PSMB7: variants seen among roughly 807,000 people sequenced by gnomAD.
The protein encoded by PSMB7 is proteasome 20S subunit beta 7.
A neutral mutation model predicts 28.1 loss-of-function variants in PSMB7; 5 were observed. That is an observed-to-expected ratio of 0.18 (90% confidence interval 0.09 to 0.37). The LOEUF (loss-of-function observed/expected upper bound fraction) is 0.37. Ranked by LOEUF, PSMB7 falls within the 10% of genes least tolerant of loss-of-function variation. The probability of loss-of-function intolerance (pLI) is 1.00; values close to 1 mark genes in which losing one functional copy is unlikely to be tolerated. For synonymous variants in PSMB7, 122 were observed against 123.7 expected (o/e 0.99, Z 0.09); for missense variants, 275 against 346.2 (o/e 0.79, Z 1.63).
At chr9:124,377,752 C>T (rs781049496) in intron 6 of PSMB7, among the ~76,000 whole-genome samples, 17 of 152,338 alleles carry the variant, frequency 1.1e-4, no homozygotes, top group Middle Eastern at 3.4e-3. Context: ...ATAAATCAGA[C>T]GGCTGAAGTG....
chr9:124,409,333 AG>A (rs1431248139), intron 4 of PSMB7, among the ~76,000 whole-genome samples: 1 of 152,240 alleles, frequency 6.6e-6, no homozygotes, highest in Non-Finnish European at 1.5e-5. Context: ...TAAGAAAAAA[AG>A]TTACAATATA....
intron 6 of PSMB7, among the ~76,000 whole-genome samples, chr9:124,365,211 T>A (rs1422561331): frequency 6.6e-6 from 1 of 152,010 alleles, no homozygotes; most frequent in East Asian, 1.9e-4. Flanking sequence ...AGCCTGCCCA[T>A]GAGAATTGTG....
At chr9:124,354,543 G>A in intron 7 of PSMB7, among the ~76,000 whole-genome samples, 1 of 152,142 alleles carries the variant, frequency 6.6e-6, no homozygotes, top group East Asian at 1.9e-4. Context: ...CCTCTCCCCT[G>A]GACACACGGG....
chr9:124,364,020 TGA>T (rs1361626848), intron 6 of PSMB7, among the ~76,000 whole-genome samples: 1 of 151,996 alleles, frequency 6.6e-6, no homozygotes, highest in Non-Finnish European at 1.5e-5. Context: ...AGGAATAAAA[TGA>T]GAGAAATGAC....
chr9:124,412,133 TG>T (rs1237763763), intron 4 of PSMB7, among the ~76,000 whole-genome samples: 3 of 152,184 alleles, frequency 2.0e-5, no homozygotes, highest in African/African-American at 7.2e-5. Context: ...ATGACTCAAC[TG>T]GTGACATGTG....
At chr9:124,409,592 G>T (rs895592482) in intron 4 of PSMB7, among the ~76,000 whole-genome samples, 5 of 152,138 alleles carry the variant, frequency 3.3e-5, no homozygotes, top group Non-Finnish European at 7.4e-5. Flanking sequence ...GAAAAAAAAA[G>T]TACAGCAGTA....
At chr9:124,402,317 G>A (rs1281524248) in intron 5 of PSMB7, among the ~76,000 whole-genome samples, 5 of 152,282 alleles carry the variant, frequency 3.3e-5, no homozygotes, top group African/African-American at 1.2e-4. Context: ...ACACAAAGCT[G>A]TTTACCTACT....
At chr9:124,367,494 G>A (rs1830518843) in intron 6 of PSMB7, among the ~76,000 whole-genome samples, 1 of 152,076 alleles carries the variant, frequency 6.6e-6, no homozygotes, top group South Asian at 2.1e-4. Flanking sequence ...TTAGGTGGGA[G>A]GAGGGGGTCT....
intron 4 of PSMB7, 21 bp downstream of exon 4, chr9:124,412,331 A>T (rs747513497): frequency 1.9e-6 from 3 of 1,611,614 alleles, no homozygotes; most frequent in Non-Finnish European, 2.5e-6. Flanking sequence ...ACTAGTAGGA[A>T]TCCCCATTCT....
intron 5 of PSMB7, among the ~76,000 whole-genome samples, chr9:124,395,349 A>AAAAT (rs1259921001): frequency 6.6e-6 from 1 of 152,004 alleles, no homozygotes; most frequent in Non-Finnish European, 1.5e-5. Flanking sequence ...TAAAAAAAAA[A>AAAAT]AAATCAGTAG....
intron 5 of PSMB7, among the ~76,000 whole-genome samples, chr9:124,400,615 T>C (rs556642533): frequency 1.2e-3 from 189 of 152,312 alleles, no homozygotes; most frequent in African/African-American, 4.0e-3. Flanking sequence ...GCCCGCAGCA[T>C]AGACTGAGAC....
At chr9:124,367,918 T>C (rs369820460) in intron 6 of PSMB7, among the ~76,000 whole-genome samples, 6 of 152,374 alleles carry the variant, frequency 3.9e-5, no homozygotes, top group South Asian at 2.1e-4. Context: ...GATAGGCAAC[T>C]GATACGAACT....
intron 5 of PSMB7, among the ~76,000 whole-genome samples, chr9:124,400,344 T>G (rs1207727885): frequency 6.6e-6 from 1 of 152,228 alleles, no homozygotes; most frequent in East Asian, 1.9e-4. Flanking sequence ...CCTTGTATTC[T>G]CTAGTGGGAG....
intron 5 of PSMB7, chr9:124,396,685 C>T (rs1466955159): frequency 4.6e-6 from 2 of 438,418 alleles, no homozygotes; most frequent in Admixed American, 2.8e-5. Context: ...GAATGTCATG[C>T]TTGAAATTTT....
chr9:124,402,567 T>C (rs1052471156), intron 5 of PSMB7, among the ~76,000 whole-genome samples: 2 of 143,424 alleles, frequency 1.4e-5, no homozygotes, highest in Non-Finnish European at 3.1e-5. Flanking sequence ...CACGAAACAA[T>C]GATAGGAATA....
chr9:124,413,000 G>A (rs973288729), intron 3 of PSMB7, among the ~76,000 whole-genome samples: 1 of 151,708 alleles, frequency 6.6e-6, no homozygotes, highest in African/African-American at 2.4e-5. Flanking sequence ...CGGAGGAGAA[G>A]GTAATTGATT....
chr9:124,382,518 C>A (rs561566594), intron 6 of PSMB7, among the ~76,000 whole-genome samples: 2 of 152,098 alleles, frequency 1.3e-5, no homozygotes, highest in East Asian at 1.9e-4. Flanking sequence ...GAGACTCTGT[C>A]TCTAAAATAA....
In PSMB7 at chr9:124,413,979, T is replaced by G. The variant is rs1372295767; in HGVS notation, c.183A>C (p.Thr61=). 1 of 1,613,144 alleles carries G rather than the reference T, an allele frequency of 6.2e-7. No individual in the cohort carries two copies. The highest frequency in any genetic ancestry group is 1.3e-5 in the African/African-American group (1 of 75,042). Residue 61 remains threonine (T), a synonymous_variant, in exon 3 of 8, where the codon ACA becomes ACC. Transcript: ENST00000259457. ...CAACAACCATCCCTTCAGTTGCTCT[T>G]GTATCTGCTCCAAGAACTATGCCAT... ...YKDGIVLGAD[T]RATEGMVVAD...
chr9:124,382,200 C>G (rs1254991391), intron 6 of PSMB7, among the ~76,000 whole-genome samples: 3 of 55,962 alleles, frequency 5.4e-5, no homozygotes, highest in Non-Finnish European at 9.2e-5. Flanking sequence ...TCTCTTTTCT[C>G]TTTTTTTTTT....
Sources: allele counts gnomAD v4.1 joint callset (sites outside exome capture counted in the v4.1 genomes callset), GRCh38; gene constraint gnomAD v4.1.1; transcripts MANE v1.5; gene names NCBI Gene and HGNC (gene_info 2026-07-23, HGNC 2026-07-21).